The following MARK3 variants were observed in gnomAD, a reference collection of about 807,000 sequenced individuals.
The protein encoded by MARK3 is microtubule affinity regulating kinase 3.
A neutral mutation model predicts 90.1 loss-of-function variants in MARK3; 46 were observed. The observed-to-expected ratio is 0.51, with a 90% confidence interval of 0.40 to 0.65. The LOEUF is 0.65. Among genes scored for constraint, MARK3 ranks in the 30% least tolerant of loss-of-function variants. The pLI, the probability that MARK3 is intolerant of heterozygous loss-of-function variation, is 0.00. For synonymous variants in MARK3, 321 were observed against 332.6 expected (o/e 0.97, Z 0.38); for missense variants, 818 against 947.2 (o/e 0.86, Z 1.79).
At chr14:103,474,284 C>G (rs894765897) in intron 12 of MARK3, among the ~76,000 whole-genome samples, 6 of 152,310 alleles carry the variant, frequency 3.9e-5, no homozygotes, top group African/African-American at 1.4e-4. Flanking sequence ...TACTAGTTAT[C>G]ATGTTCATTT....
At chr14:103,489,549 G>A (rs1358037778) in intron 14 of MARK3, 1 of 152,428 alleles carries the variant, frequency 6.6e-6, no homozygotes, top group Non-Finnish European at 1.5e-5. Context: ...GACAAGGAGC[G>A]AGGCTCTATA....
At chr14:103,482,875 T>C (rs2093851595) in intron 14 of MARK3, among the ~76,000 whole-genome samples, 2 of 152,232 alleles carry the variant, frequency 1.3e-5, no homozygotes, top group Admixed American at 1.3e-4. Flanking sequence ...CCTGTCTCGT[T>C]GCTTCTCTTA....
chr14:103,460,363 G>A (rs948853678), intron 6 of MARK3, among the ~76,000 whole-genome samples: 10 of 152,154 alleles, frequency 6.6e-5, no homozygotes, highest in Admixed American at 5.2e-4. Context: ...GGGATTACAG[G>A]CGTGAGCCAC....
At position 103,399,713 on chromosome 14, in the gene MARK3, G is replaced by GA. The variant is rs375827394; in HGVS notation, c.52-5349dup. Among the ~76,000 whole-genome samples the GA allele has an allele frequency of 4.3e-3, 521 of 121,202 alleles. 1 individual carries two copies. Among genetic ancestry groups the GA allele is most frequent in the African/African-American group, 0.014 (445 of 31,578 alleles). 79.5% of individuals were successfully genotyped at this position (121,202 alleles called of 152,430 possible). A position where few individuals can be genotyped will look rare whatever the true frequency, so the allele number is the denominator to read the frequency against. ...AGACTCCATCTCAAAAAAAAAAAAA[G>GA]AAAAAAAAAAAAAAGAAAGGAATTT... On this transcript the variant is annotated intron_variant, in intron 1 of 17. Transcript: ENST00000429436.
chr14:103,430,932 T>C (rs1380217940), intron 3 of MARK3, among the ~76,000 whole-genome samples: 1 of 152,038 alleles, frequency 6.6e-6, no homozygotes, highest in African/African-American at 2.4e-5. Context: ...ACTCCTGGGC[T>C]TAAGCAGTCC....
intron 17 of MARK3, among the ~76,000 whole-genome samples, chr14:103,500,578 A>G (rs2075607042): frequency 6.6e-6 from 1 of 152,130 alleles, no homozygotes; most frequent in East Asian, 1.9e-4. Context: ...CATATTTCAA[A>G]CTAGATATGT....
chr14:103,442,945 C>A (rs558429094), intron 3 of MARK3, among the ~76,000 whole-genome samples: 1 of 149,158 alleles, frequency 6.7e-6, no homozygotes, highest in Non-Finnish European at 1.5e-5. Context: ...GTGGGTGTCC[C>A]CCCCCCTCCC....
intron 14 of MARK3, among the ~76,000 whole-genome samples, chr14:103,484,277 A>G (rs1223065323): frequency 6.6e-6 from 1 of 150,874 alleles, no homozygotes; most frequent in Non-Finnish European, 1.5e-5. Context: ...TCCCGGGTTC[A>G]TGCAGTTCTT....
At chr14:103,389,800 C>T (rs183810649) in intron 1 of MARK3, among the ~76,000 whole-genome samples, 67 of 151,366 alleles carry the variant, frequency 4.4e-4, no homozygotes, top group East Asian at 1.4e-3. Flanking sequence ...AAAAATTAGC[C>T]GGGTGCGGTG....
chr14:103,431,012 A>G (rs1380801391), intron 3 of MARK3, among the ~76,000 whole-genome samples: 10 of 151,956 alleles, frequency 6.6e-5, no homozygotes, highest in African/African-American at 9.7e-5. Flanking sequence ...ATACCTTCCA[A>G]TGTCTCACTA....
At chr14:103,492,081 A>G in intron 15 of MARK3, 47 bp downstream of exon 15, 4 of 1,585,756 alleles carry the variant, frequency 2.5e-6, no homozygotes, top group Non-Finnish European at 3.4e-6. Flanking sequence ...ATAGAGCAAA[A>G]GGAAAGATGT....
rs749057734 is a variant in MARK3, at chr14:103,465,580, C to T, written c.564C>T (p.Ala188=). 1.5e-5 allele frequency: 24 copies of T among 1,613,072 alleles called. No homozygotes were observed. In the East Asian group the frequency reaches 2.0e-4, roughly 13 times the overall value. The stretch of plus-strand genomic sequence containing the variant: ...AGGCTGAAAATCTATTGTTAGATGC[C>T]GATATGAACATTAAAATAGCAGATT... The part of the protein sequence containing the change: ...DLKAENLLLD[A]DMNIKIADFG... The change falls in exon 8 of 18, where the codon GCC becomes GCT. Residue 188 remains alanine (A), a synonymous_variant. Coordinates refer to ENST00000429436, the MANE Select transcript of MARK3 (RefSeq NM_001128918.3).
intron 14 of MARK3, among the ~76,000 whole-genome samples, chr14:103,484,116 C>T (rs2093876986): frequency 6.6e-6 from 1 of 152,028 alleles, no homozygotes; most frequent in Admixed American, 6.6e-5. Flanking sequence ...TTAAAGACCC[C>T]AGAGAAGTGA....
intron 14 of MARK3, among the ~76,000 whole-genome samples, chr14:103,480,809 G>T (rs1251416049): frequency 1.3e-5 from 2 of 152,156 alleles, no homozygotes; most frequent in African/African-American, 4.8e-5. Context: ...AGATTGTCTT[G>T]TGCTCATTAA....
chr14:103,429,886 T>G (rs1285778547), intron 3 of MARK3, among the ~76,000 whole-genome samples: 1 of 152,222 alleles, frequency 6.6e-6, no homozygotes, highest in African/African-American at 2.4e-5. Flanking sequence ...ATAATTGTAA[T>G]CCTAACAGTT....
chr14:103,492,551 G>A (rs1205445026), intron 15 of MARK3, among the ~76,000 whole-genome samples: 1 of 152,158 alleles, frequency 6.6e-6, no homozygotes, highest in Non-Finnish European at 1.5e-5. Context: ...TGAGAGCAAG[G>A]TAATGTCCTT....
At position 103,419,184 on chromosome 14, in the gene MARK3, A is replaced by G. The variant is rs374154037; in HGVS notation, c.244-9203A>G. Among the ~76,000 whole-genome samples, 10 of 152,218 alleles carry G rather than the reference A, an allele frequency of 6.6e-5. No homozygotes were observed. The East Asian group carries it at 1.2e-3, about 18-fold the overall frequency. ...GCGGGCGCCTGTAGTCCCAGCTACC[A>G]GGAGGCTGAGGTGGGAGAATGGCGT... is the stretch of plus-strand genomic sequence containing the variant. On this transcript the variant is annotated intron_variant, in intron 2 of 17. Coordinates refer to ENST00000429436, the MANE Select transcript of MARK3 (RefSeq NM_001128918.3).
chr14:103,429,754 C>G (rs1026793793), intron 3 of MARK3, among the ~76,000 whole-genome samples: 2 of 152,166 alleles, frequency 1.3e-5, no homozygotes, highest in Non-Finnish European at 2.9e-5. Context: ...CTAATAAATA[C>G]ATTAGAGTTT....
chr14:103,447,854 A>G lies in MARK3; in HGVS notation c.298-1065A>G, dbSNP rs185330596. 2.7e-3 allele frequency among the ~76,000 whole-genome samples: 415 copies of G among 151,904 alleles called. 2 individuals are homozygous for G. Among genetic ancestry groups the G allele is most frequent in the African/African-American group, 9.6e-3 (397 of 41,424 alleles). ...GCAGTGACGCCATCAGCTCTCTGCA[A>G]CCTCCACTTCCCAGGCTCAAGTGAT... On this transcript the variant is annotated intron_variant, in intron 3 of 17. Transcript: ENST00000429436.
Sources: gnomAD v4.1 joint callset for allele counts (sites outside exome capture counted in the v4.1 genomes callset) on GRCh38, gnomAD v4.1.1 for gene constraint, MANE v1.5 for transcripts, NCBI Gene and HGNC (gene_info 2026-07-23, HGNC 2026-07-21) for gene names.